Variants in EDIL3 observed in about 807,000 individuals in gnomAD.
EDIL3 encodes the protein EGF-like repeat and discoidin I-like domain-containing protein 3.
Under a neutral mutation model 67.4 loss-of-function variants are expected in EDIL3, and 37 were observed. The observed-to-expected ratio is 0.55, with a 90% CI of 0.42 to 0.72. The LOEUF (loss-of-function observed/expected upper bound fraction) is 0.72. EDIL3 is among the 30% of genes least tolerant of loss of function. EDIL3 has a pLI of 0.00. For missense variants in EDIL3, 527 were observed against 586.3 expected, an observed-to-expected ratio of 0.90 and a Z score of 1.04; for synonymous variants, 195 against 196.3, an observed-to-expected ratio of 0.99 and a Z score of 0.05.
intron 2 of EDIL3, among the ~76,000 whole-genome samples, chr5:84,250,211 G>T (rs571445157): frequency 7.2e-5 from 11 of 152,180 alleles, no homozygotes; most frequent in Non-Finnish European, 1.5e-4. Context: ...TTGAAGAGAA[G>T]TTTTCCTACT....
chr5:84,153,252 T>C (rs1045449764), intron 4 of EDIL3, among the ~76,000 whole-genome samples: 1 of 152,160 alleles, frequency 6.6e-6, no homozygotes, highest in African/African-American at 2.4e-5. Flanking sequence ...ACAACACCCT[T>C]CATATCTCTT....
At chr5:84,271,256 T>C (rs957624812) in intron 1 of EDIL3, among the ~76,000 whole-genome samples, 1 of 151,726 alleles carries the variant, frequency 6.6e-6, no homozygotes, top group African/African-American at 2.4e-5. Context: ...CCACTAAAAA[T>C]ACAAAAAATT....
At chr5:84,219,343 T>A (rs1240359623) in intron 3 of EDIL3, among the ~76,000 whole-genome samples, 2 of 152,150 alleles carry the variant, frequency 1.3e-5, no homozygotes, top group African/African-American at 2.4e-5. Flanking sequence ...GAAGGAAATT[T>A]AAAAAATTCT....
At chr5:84,231,739 T>A (rs535867910) in intron 2 of EDIL3, among the ~76,000 whole-genome samples, 4 of 152,324 alleles carry the variant, frequency 2.6e-5, no homozygotes, top group Admixed American at 1.3e-4. Context: ...TTTGCCGCTT[T>A]ATCATGTCCA....
intron 10 of EDIL3, among the ~76,000 whole-genome samples, chr5:83,958,341 C>G (rs1310215633): frequency 1.3e-5 from 2 of 151,516 alleles, no homozygotes; most frequent in Non-Finnish European, 3.0e-5. Context: ...GTGCCATAAT[C>G]AGACAATTAT....
At chr5:83,996,520 T>TGACA (rs1482299337) in intron 9 of EDIL3, among the ~76,000 whole-genome samples, 1 of 152,094 alleles carries the variant, frequency 6.6e-6, no homozygotes, top group Non-Finnish European at 1.5e-5. Context: ...ATAGCAACAG[T>TGACA]GACAGTATGG....
intron 4 of EDIL3, among the ~76,000 whole-genome samples, chr5:84,152,065 A>T (rs1273590223): frequency 6.6e-6 from 1 of 151,922 alleles, no homozygotes; most frequent in Non-Finnish European, 1.5e-5. Context: ...GATTACAAGC[A>T]TGAGCCACCA....
intron 9 of EDIL3, among the ~76,000 whole-genome samples, chr5:84,051,162 C>T (rs1310782575): frequency 6.6e-6 from 1 of 152,162 alleles, no homozygotes; most frequent in African/African-American, 2.4e-5. Flanking sequence ...CACCAATATC[C>T]ACTGTTCTGC....
At chr5:84,075,924 A>T (rs1746846977) in intron 6 of EDIL3, among the ~76,000 whole-genome samples, 1 of 148,498 alleles carries the variant, frequency 6.7e-6, no homozygotes, top group African/African-American at 2.5e-5. Context: ...ACACAGACAC[A>T]CACTCACGTG....
intron 9 of EDIL3, among the ~76,000 whole-genome samples, chr5:84,014,227 G>C (rs903660384): frequency 6.6e-6 from 1 of 152,180 alleles, no homozygotes; most frequent in African/African-American, 2.4e-5. Flanking sequence ...GTTAGCTTGA[G>C]AAATGAACTG....
intron 3 of EDIL3, among the ~76,000 whole-genome samples, chr5:84,194,613 C>A (rs901195772): frequency 6.6e-6 from 1 of 151,768 alleles, no homozygotes; most frequent in Non-Finnish European, 1.5e-5. Flanking sequence ...AAATGTTGAG[C>A]TATTGAACAC....
At chr5:83,996,120 G>C (rs958566118) in intron 9 of EDIL3, among the ~76,000 whole-genome samples, 1 of 152,154 alleles carries the variant, frequency 6.6e-6, no homozygotes, top group East Asian at 1.9e-4. Context: ...AACTGTGGTT[G>C]TTCCTATAAG....
rs1561440849 is a variant in EDIL3, at chr5:84,132,527, A to ATTATATATTTTATATATAATATATATT, written c.469+4687_469+4713dup. On this transcript the variant is annotated intron_variant, in intron 5 of 10. Coordinates refer to ENST00000296591, the MANE Select transcript of EDIL3 (RefSeq NM_005711.5). ...ATATATAATATATATTTTAATATATATTATATATTTTATATATAATATATA... is the reference window on the plus strand; with the variant it reads ...ATATATAATATATATTTTAATATATATTATATATTTTATATATAATATATATTTTATATATTTTATATATAATATATA... Among the ~76,000 whole-genome samples the ATTATATATTTTATATATAATATATATT allele has an allele frequency of 2.6e-3, 254 of 97,856 alleles. 1 individual carries two copies. The highest frequency in any genetic ancestry group is 0.01 in the African/African-American group (243 of 23,730). The allele number at this position is 97,856 out of a possible 152,430, so 64.2% of individuals were successfully genotyped here.
chr5:84,315,969 G>T (rs1195794401), intron 1 of EDIL3, among the ~76,000 whole-genome samples: 1 of 152,142 alleles, frequency 6.6e-6, no homozygotes. Flanking sequence ...CATTCTTAAA[G>T]AAAAGAATTT....
intron 9 of EDIL3, among the ~76,000 whole-genome samples, chr5:84,041,011 G>C (rs1036016227): frequency 2.0e-5 from 3 of 151,998 alleles, no homozygotes; most frequent in Admixed American, 6.6e-5. Flanking sequence ...TGTGCCTGTG[G>C]CCCCAGCTAC....
At chr5:84,381,073 T>C (rs1446318280) in intron 1 of EDIL3, among the ~76,000 whole-genome samples, 1 of 152,136 alleles carries the variant, frequency 6.6e-6, no homozygotes, top group East Asian at 1.9e-4. Context: ...TTTGAAGATT[T>C]TTGCAACTTC....
intron 9 of EDIL3, among the ~76,000 whole-genome samples, chr5:84,031,005 C>T (rs1745910928): frequency 1.3e-5 from 2 of 152,108 alleles, no homozygotes; most frequent in African/African-American, 4.8e-5. Context: ...TCTTTTCAGG[C>T]CTGTTACTGG....
Position 84,384,452 on chromosome 5 carries a change from G to T in EDIL3, c.-78C>A. Reference sequence around the variant, plus strand: ...AGTGTAGCCGAGGTGGCAGCGCAGGGCAGCAGCAGACTCCGCCCCTACTAA... The same window carrying T: ...AGTGTAGCCGAGGTGGCAGCGCAGGTCAGCAGCAGACTCCGCCCCTACTAA... On this transcript the variant is annotated 5_prime_UTR_variant, in exon 1 of 11. Transcript: ENST00000296591. The T allele has an allele frequency of 2.1e-6, 3 of 1,430,922 alleles. No homozygotes were observed. Among genetic ancestry groups the T allele is most frequent in the Non-Finnish European group, 2.9e-6 (3 of 1,022,382 alleles). The allele number at this position is 1,430,922 out of a possible 1,614,324, so 88.6% of individuals were successfully genotyped here.
intron 3 of EDIL3, among the ~76,000 whole-genome samples, chr5:84,203,499 G>A (rs919109593): frequency 2.0e-5 from 3 of 152,154 alleles, no homozygotes; most frequent in Non-Finnish European, 2.9e-5. Context: ...TGATGTTGGT[G>A]TGCCAGCAAC....
Sources: allele counts gnomAD v4.1 joint callset (sites outside exome capture counted in the v4.1 genomes callset), GRCh38; gene constraint gnomAD v4.1.1; transcripts MANE v1.5; gene names NCBI Gene and HGNC (gene_info 2026-07-23, HGNC 2026-07-21).